PCDH15: variants seen among roughly 807,000 people sequenced by gnomAD.
The protein encoded by PCDH15 is protocadherin-15.
PCDH15 carries 129 observed loss-of-function variants against 178.5 expected under a neutral mutation model. The ratio of observed to expected loss-of-function variants is 0.72; its 90% CI spans 0.63 to 0.84. The LOEUF (loss-of-function observed/expected upper bound fraction) is 0.84. Among genes scored for constraint, PCDH15 ranks in the 40% least tolerant of loss-of-function variants. PCDH15 has a pLI of 0.00. For missense variants in PCDH15, 2,230 were observed against 2,099.9 expected (o/e 1.06, Z -1.21); for synonymous variants, 800 against 732.0 (o/e 1.09, Z -1.50).
At chr10:54,714,693 C>A (rs2095459430) in intron 1 of PCDH15, among the ~76,000 whole-genome samples, 1 of 152,226 alleles carries the variant, frequency 6.6e-6, no homozygotes, top group East Asian at 1.9e-4. Flanking sequence ...AAGTTAAGTT[C>A]TTCAAGCCCA....
intron 3 of PCDH15, among the ~76,000 whole-genome samples, chr10:54,437,850 T>G (rs2075525478): frequency 6.6e-6 from 1 of 152,212 alleles, no homozygotes; most frequent in Non-Finnish European, 1.5e-5. Context: ...ATTTATTGGT[T>G]ATACTTATTG....
chr10:54,738,537 G>A (rs533382335), intron 1 of PCDH15, among the ~76,000 whole-genome samples: 8 of 151,802 alleles, frequency 5.3e-5, no homozygotes, highest in East Asian at 1.9e-4. Context: ...GAAGTGGAGG[G>A]AATACTTCAA....
intron 2 of PCDH15, among the ~76,000 whole-genome samples, chr10:55,128,433 C>G (rs1837958862): frequency 6.6e-6 from 1 of 151,982 alleles, no homozygotes; most frequent in Non-Finnish European, 1.5e-5. Context: ...GTACTTAATT[C>G]TTAGGCTCCC....
intron 3 of PCDH15, among the ~76,000 whole-genome samples, chr10:54,890,217 A>G (rs1189418343): frequency 3.3e-5 from 5 of 151,996 alleles, no homozygotes; most frequent in Non-Finnish European, 5.9e-5. Flanking sequence ...TCATCACATG[A>G]GCGTGGATAA....
chr10:54,234,058 A>G (rs1218067019), intron 9 of PCDH15, among the ~76,000 whole-genome samples: 1 of 151,430 alleles, frequency 6.6e-6, no homozygotes, highest in Non-Finnish European at 1.5e-5. Context: ...TATATTCAGA[A>G]GTATTTGTAT....
intron 2 of PCDH15, among the ~76,000 whole-genome samples, chr10:54,964,275 G>T (rs1460112859): frequency 6.6e-6 from 1 of 152,106 alleles, no homozygotes; most frequent in Admixed American, 6.6e-5. Context: ...TGGGGCAATT[G>T]GGCTAGTTTC....
chr10:55,568,733 A>C (rs1842352134), intron 2 of PCDH15, among the ~76,000 whole-genome samples: 1 of 152,018 alleles, frequency 6.6e-6, no homozygotes, highest in Non-Finnish European at 1.5e-5. Flanking sequence ...CAGATTCCAC[A>C]CTCAGAAGTT....
At chr10:53,918,109 A>G (rs2083680512) in intron 25 of PCDH15, among the ~76,000 whole-genome samples, 1 of 152,184 alleles carries the variant, frequency 6.6e-6, no homozygotes, top group Non-Finnish European at 1.5e-5. Flanking sequence ...CTTTGTAGCA[A>G]TGCAAGAATG....
intron 2 of PCDH15, among the ~76,000 whole-genome samples, chr10:55,370,324 G>A (rs2131988742): frequency 1.3e-5 from 2 of 152,202 alleles, no homozygotes; most frequent in South Asian, 4.1e-4. Flanking sequence ...TCATACTTGT[G>A]TGATTGCTAA....
intron 1 of PCDH15, among the ~76,000 whole-genome samples, chr10:54,795,297 T>C (rs1214383851): frequency 6.6e-6 from 1 of 151,812 alleles, no homozygotes; most frequent in Non-Finnish European, 1.5e-5. Flanking sequence ...TTATATTAAG[T>C]AATTAAATAA....
chr10:55,323,453 G>A (rs1843955900), upstream of PCDH15, among the ~76,000 whole-genome samples: 1 of 152,202 alleles, frequency 6.6e-6, no homozygotes, highest in Non-Finnish European at 1.5e-5. Flanking sequence ...CGGCCTGGAG[G>A]AGGGCTATAC....
At chr10:55,492,025 C>T (rs1369685166) in intron 2 of PCDH15, among the ~76,000 whole-genome samples, 1 of 151,672 alleles carries the variant, frequency 6.6e-6, no homozygotes, top group East Asian at 2.0e-4. Flanking sequence ...TTTAACCCTA[C>T]TTCTGACCAC....
In PCDH15 at chr10:55,541,323, G is replaced by A. The variant is rs188863031; in HGVS notation, c.-156+86302C>T. Among the ~76,000 whole-genome samples the A allele has an allele frequency of 3.0e-3, 455 of 152,002 alleles. 3 individuals carry two copies. The highest frequency in any genetic ancestry group is 0.012 in the South Asian group (56 of 4,822). ...AACTATATCCCTAAGGATTTCTTCT[G>A]TCATTTAATCTAATTATACCCAGTA... On this transcript the variant is annotated intron_variant, in intron 2 of 5. Transcript: ENST00000613346.
intron 1 of PCDH15, among the ~76,000 whole-genome samples, chr10:54,689,161 T>C (rs2095069342): frequency 6.6e-6 from 1 of 152,042 alleles, no homozygotes; most frequent in Middle Eastern, 3.2e-3. Context: ...AAATAAAATT[T>C]TCTGATATTA....
At chr10:55,184,954 T>G (rs1289189801) in intron 1 of PCDH15, among the ~76,000 whole-genome samples, 1 of 151,912 alleles carries the variant, frequency 6.6e-6, no homozygotes, top group African/African-American at 2.4e-5. Context: ...GAAATCAAAG[T>G]AAACATTTTA....
chr10:54,138,379 C>A (rs928755179), intron 14 of PCDH15, among the ~76,000 whole-genome samples: 82 of 152,094 alleles, frequency 5.4e-4, no homozygotes, highest in South Asian at 4.1e-4. Flanking sequence ...AAAGAAGAAG[C>A]ACCCCGACTG....
chr10:55,357,161 A>G (rs1374754551), intron 2 of PCDH15, among the ~76,000 whole-genome samples: 1 of 151,986 alleles, frequency 6.6e-6, no homozygotes, highest in Non-Finnish European at 1.5e-5. Flanking sequence ...AACAAGTCAA[A>G]AGCTTAATAC....
chr10:54,171,721 G>C (rs1290851756), intron 13 of PCDH15, among the ~76,000 whole-genome samples: 1 of 152,054 alleles, frequency 6.6e-6, no homozygotes. Flanking sequence ...GATATCCTGA[G>C]TTGTCCCAAT....
chr10:54,018,938 T>A (rs897239368), intron 20 of PCDH15, among the ~76,000 whole-genome samples: 14 of 152,102 alleles, frequency 9.2e-5, no homozygotes, highest in African/African-American at 3.1e-4. Flanking sequence ...AAAACATGTA[T>A]ACTAAAGTTA....
Sources: gnomAD v4.1 joint callset for allele counts (sites outside exome capture counted in the v4.1 genomes callset) on GRCh38, gnomAD v4.1.1 for gene constraint, MANE v1.5 for transcripts, NCBI Gene and HGNC (gene_info 2026-07-23, HGNC 2026-07-21) for gene names.